MTARC1: variants seen among roughly 807,000 people sequenced by gnomAD.
MTARC1 encodes mitochondrial amidoxime-reducing component 1.
A neutral mutation model predicts 33.6 loss-of-function variants in MTARC1; 24 were observed. The ratio of observed to expected loss-of-function variants is 0.72; its 90% CI spans 0.52 to 1.01. The LOEUF (loss-of-function observed/expected upper bound fraction) is 1.01, where lower values mean the gene tolerates loss of function less well. Ranked by LOEUF, MTARC1 falls within the 50% of genes least tolerant of loss-of-function variation. The pLI is 0.00. For synonymous variants in MTARC1, 187 were observed against 189.5 expected (o/e 0.99, Z 0.11); for missense variants, 417 against 445.7 (o/e 0.94, Z 0.58).
Position 220,786,954 on chromosome 1 carries a change from G to C in MTARC1, c.10G>C (p.Ala4Pro), listed in dbSNP as rs962839279. 1.6e-6 allele frequency: 2 copies of C among 1,241,554 alleles called. No individual in the cohort carries two copies. The highest frequency in any genetic ancestry group is 3.1e-5 in the African/African-American group (2 of 64,006). The allele number at this position is 1,241,554 out of a possible 1,614,324, so 76.9% of individuals were successfully genotyped here. MGAAGSSALARFVL... is the reference protein window; with the variant it reads MGAPGSSALARFVL... ...CGCGGAGAAGCCAGCCATGGGCGCC[G>C]CCGGCTCCTCCGCGCTGGCGCGCTT... Residue 4 changes from alanine (A) to proline (P), a missense_variant, in exon 1 of 7, where the codon GCC becomes CCC. Physicochemically the swap from Ala to Pro is conservative, Grantham distance 27. Transcript: ENST00000366910.
chr1:220,796,755 C>T lies in MTARC1; in HGVS notation c.562C>T (p.Arg188Ter), dbSNP rs755590963. 11 of 1,612,490 alleles carry T rather than the reference C, an allele frequency of 6.8e-6. No homozygotes were observed. The highest frequency in any genetic ancestry group is 1.7e-5 in the Admixed American group (1 of 59,760). Residue 188 changes from arginine to a stop codon, truncating the protein, a stop_gained, in exon 3 of 7, where the codon CGA becomes TGA. Coordinates refer to ENST00000366910, the MANE Select transcript of MTARC1 (RefSeq NM_022746.4). LOFTEE classifies it high-confidence loss of function. ...CCTGGTGCACTTCGAGCCTCACATGCGACCGAGACGTCCTCATCAAATAGC... is the reference window on the plus strand; with the variant it reads ...CCTGGTGCACTTCGAGCCTCACATGTGACCGAGACGTCCTCATCAAATAGC... ...YRLVHFEPHM[R>*]PRRPHQIADL... is the part of the protein sequence containing the mutation.
In MTARC1 at chr1:220,787,235, G is replaced by A; in HGVS notation, c.275+16G>A. On this transcript the variant is annotated intron_variant, in intron 1 of 6. Transcript: ENST00000366910. ...TGCGGGACAGGTACGGCCAAGCGCC[G>A]GCGCGGGGCAGCGCTGATCCGGCTC... The A allele has an allele frequency of 1.3e-6, 2 of 1,553,228 alleles. No homozygotes were observed. Among genetic ancestry groups the A allele is most frequent in the African/African-American group, 1.4e-5 (1 of 73,100 alleles).
chr1:220,817,887 C>T lies in MTARC1; in HGVS notation c.*4469C>T, dbSNP rs1571688360. The T allele has an allele frequency of 6.6e-6, 1 of 152,408 alleles. No homozygotes were observed. The highest frequency in any genetic ancestry group is 3.4e-3 in the Middle Eastern group (1 of 298). 9.4% of individuals were successfully genotyped at this position (152,408 alleles called of 1,614,324 possible). A position where few individuals can be genotyped will look rare whatever the true frequency, so the allele number is the denominator to read the frequency against. ...TGTGAGCCACCACGCCCGGCCCTAG[C>T]TTTTCCTTTCTGTTGCAAGTCCTCT... On this transcript the variant is annotated 3_prime_UTR_variant, in exon 7 of 7. Transcript: ENST00000366910.
rs72470589 is a variant in MTARC1, at chr1:220,791,421, T to C, written c.276-70T>C. The C allele has an allele frequency of 4.2e-3, 6,451 of 1,531,440 alleles. 115 individuals carry two copies. The African/African-American group carries it at 0.043, about 10-fold the overall frequency. The allele number at this position is 1,531,440 out of a possible 1,614,324, so 94.9% of individuals were successfully genotyped here. ...AATCAAAGATGACAACAGTGTCTAA[T>C]TGAAGCTCCTCCAGGGTCTGGCTTC... On this transcript the variant is annotated intron_variant, in intron 1 of 6. Transcript: ENST00000366910.
Position 220,795,015 on chromosome 1 carries a change from AAATTATATAC to A in MTARC1, c.450-1618_450-1609del, listed in dbSNP as rs72470596. Among the ~76,000 whole-genome samples, 926 of 152,342 alleles carry A rather than the reference AAATTATATAC, an allele frequency of 6.1e-3. 13 individuals are homozygous for A. The highest frequency in any genetic ancestry group is 0.06 in the East Asian group (312 of 5,194). ...ATTTTAGATATAAAGCAATAAAATA[AAATTATATAC>A]AATTATATAGGATACTATACTCAAT... On this transcript the variant is annotated intron_variant, in intron 2 of 6. Coordinates refer to ENST00000366910, the MANE Select transcript of MTARC1 (RefSeq NM_022746.4).
At chr1:220,788,005 A>T (rs1455443888) in intron 1 of MTARC1, among the ~76,000 whole-genome samples, 7 of 151,968 alleles carry the variant, frequency 4.6e-5, no homozygotes, top group Non-Finnish European at 7.4e-5. Flanking sequence ...GAGACTCCGA[A>T]TCAAAAAAAG....
chr1:220,796,687 C>T lies in MTARC1; in HGVS notation c.494C>T (p.Thr165Ile), dbSNP rs970335560. 12 of 1,612,076 alleles carry T rather than the reference C, an allele frequency of 7.4e-6. No homozygotes were observed. The highest frequency in any genetic ancestry group is 1.0e-5 in the Non-Finnish European group (12 of 1,179,202). ...EIEGRDCGEA[T>I]AQWITSFLKS... ...GAGGGCAGGGACTGTGGCGAGGCCA[C>T]CGCCCAGTGGATAACCAGCTTCCTG... The change falls in exon 3 of 7, where the codon ACC becomes ATC. Residue 165 changes from threonine to isoleucine, a missense_variant. Transcript: ENST00000366910.
intron 4 of MTARC1, chr1:220,798,403 AG>A: frequency 3.4e-6 from 4 of 1,176,616 alleles, no homozygotes; most frequent in Non-Finnish European, 4.3e-6. Context: ...CTCTTGGAGA[AG>A]ACAGGCATTT....
chr1:220,810,092 G>T (rs1016391526), intron 6 of MTARC1, among the ~76,000 whole-genome samples: 2 of 152,184 alleles, frequency 1.3e-5, no homozygotes, highest in Non-Finnish European at 2.9e-5. Context: ...TGGGCTTCCT[G>T]CTCATTAGAA....
At chr1:220,790,689 CA>C (rs1672393946) in intron 1 of MTARC1, among the ~76,000 whole-genome samples, 1 of 152,214 alleles carries the variant, frequency 6.6e-6, no homozygotes, top group African/African-American at 2.4e-5. Context: ...ATCTCAAAAG[CA>C]CATGCTCACT....
At chr1:220,805,173 C>T in intron 5 of MTARC1, 30 bp from the exon 6 acceptor site, 8 of 1,614,002 alleles carry the variant, frequency 5.0e-6, no homozygotes, top group Non-Finnish European at 6.8e-6. Context: ...CTGCTCTGTC[C>T]CCCTTATGAT....
chr1:220,797,140 T>C (rs6687366), intron 3 of MTARC1, among the ~76,000 whole-genome samples: 3,011 of 152,316 alleles, frequency 0.02, 48 homozygotes, highest in East Asian at 0.06. Flanking sequence ...CAGTTTGCAG[T>C]TGTATGTCAG....
intron 6 of MTARC1, among the ~76,000 whole-genome samples, chr1:220,809,925 A>G (rs964796689): frequency 2.6e-5 from 4 of 152,246 alleles, no homozygotes; most frequent in East Asian, 1.9e-4. Context: ...GCCTGGAGTC[A>G]TGGCCTGGAC....
At chr1:220,809,672 G>A (rs1673069964) in intron 6 of MTARC1, among the ~76,000 whole-genome samples, 1 of 152,152 alleles carries the variant, frequency 6.6e-6, no homozygotes, top group African/African-American at 2.4e-5. Context: ...TCTACGCCTG[G>A]CTAATTTTTG....
At chr1:220,813,113 T>C (rs1558095730) in intron 6 of MTARC1, among the ~76,000 whole-genome samples, 179 bp from the exon 7 acceptor site, 1 of 152,174 alleles carries the variant, frequency 6.6e-6, no homozygotes, top group Non-Finnish European at 1.5e-5. Context: ...CTTCTGTCGT[T>C]GTTTGCTGGG....
chr1:220,798,812 G>A, intron 4 of MTARC1: 1 of 969,964 alleles, frequency 1.0e-6, no homozygotes, highest in Non-Finnish European at 1.2e-6. Context: ...TCTTACGTCT[G>A]CCCATTTCCT....
chr1:220,797,361 G>A (rs1382196105), intron 3 of MTARC1, among the ~76,000 whole-genome samples: 1 of 152,154 alleles, frequency 6.6e-6, no homozygotes, highest in Non-Finnish European at 1.5e-5. Context: ...AGAGAGTTGA[G>A]GCTGCAGTGA....
chr1:220,793,762 A>G (rs1285041388), intron 2 of MTARC1: 2 of 152,248 alleles, frequency 1.3e-5, no homozygotes, highest in Non-Finnish European at 2.9e-5. Flanking sequence ...AGCCATGCCT[A>G]CATTATCTTT....
intron 6 of MTARC1, among the ~76,000 whole-genome samples, chr1:220,806,850 G>A (rs1672987376): frequency 6.6e-6 from 1 of 152,220 alleles, no homozygotes; most frequent in African/African-American, 2.4e-5. Context: ...AGAGACAGTG[G>A]TCAGCAGGGA....
Sources: allele counts gnomAD v4.1 joint callset (sites outside exome capture counted in the v4.1 genomes callset), GRCh38; gene constraint gnomAD v4.1.1; transcripts MANE v1.5; gene names NCBI Gene and HGNC (gene_info 2026-07-23, HGNC 2026-07-21).